The following EML3 variants were observed in gnomAD, a reference collection of about 807,000 sequenced individuals.
EML3 encodes the protein EMAP like 3.
A neutral mutation model predicts 106.7 loss-of-function variants in EML3; 53 were observed. The observed-to-expected ratio is 0.50, with a 90% confidence interval of 0.40 to 0.62. The LOEUF (loss-of-function observed/expected upper bound fraction) is 0.62, where lower values mean the gene tolerates loss of function less well. Among genes scored for constraint, EML3 ranks in the 20% least tolerant of loss-of-function variants. The pLI, the probability that EML3 is intolerant of heterozygous loss-of-function variation, is 0.00. For missense variants in EML3, 994 were observed against 1,209.1 expected (o/e 0.82, Z 2.64); for synonymous variants, 499 against 489.6 (o/e 1.02, Z -0.25).
In EML3 at chr11:62,610,887, G is replaced by A. The variant is rs1211609696; in HGVS notation, c.558C>T (p.Ser186=). ...GGGGAAGCCTCACCCACCTCTCTGT[G>A]CTCCCGGACCGCACTAACAGGTTGG... ...SSANLLVRSG[S]TESRGGKDPL... The change falls in exon 4 of 22, where the codon AGC becomes AGT. Residue 186 remains serine, a synonymous_variant. Coordinates refer to ENST00000394773, the MANE Select transcript of EML3 (RefSeq NM_153265.3). The A allele has an allele frequency of 1.2e-6, 2 of 1,610,042 alleles. No individual in the cohort carries two copies. Among genetic ancestry groups the A allele is most frequent in the Non-Finnish European group, 1.7e-6 (2 of 1,179,198 alleles).
chr11:62,602,453 A>T lies in EML3; in HGVS notation c.*22T>A. ...CGGGGCGGGGCCACGCCGCCGGGCC[A>T]GTCGGTCCCGCCAGGCAGCGATCAA... On this transcript the variant is annotated 3_prime_UTR_variant, in exon 22 of 22. Coordinates refer to ENST00000394773, the MANE Select transcript of EML3 (RefSeq NM_153265.3). 1 of 1,544,172 alleles carries T rather than the reference A, an allele frequency of 6.5e-7. No homozygotes were observed. Among genetic ancestry groups the T allele is most frequent in the Non-Finnish European group, 8.8e-7 (1 of 1,142,416 alleles).
intron 16 of EML3, chr11:62,604,794 G>A (rs1942430524): frequency 4.3e-6 from 1 of 231,804 alleles, no homozygotes; most frequent in African/African-American, 2.3e-5. Context: ...CGACTACAAA[G>A]GCACTGTGCA....
chr11:62,603,268 C>T (rs776409158), intron 19 of EML3, 21 bp from the exon 20 acceptor site: 1 of 1,607,814 alleles, frequency 6.2e-7, no homozygotes, highest in Non-Finnish European at 8.5e-7. Flanking sequence ...GGAGCCCGCC[C>T]AGCTCAGCTC....
In EML3 at chr11:62,611,093, G is replaced by C; in HGVS notation, c.446C>G (p.Ala149Gly). The change falls in exon 3 of 22, where the codon GCT becomes GGT. Residue 149 changes from alanine (A) to glycine (G), a missense_variant. By Grantham distance (60) the Ala-to-Gly change is moderately conservative (BLOSUM62 0). Coordinates refer to ENST00000394773, the MANE Select transcript of EML3 (RefSeq NM_153265.3). ...AGGGCCACAGGACACCTACGTGTCA[G>C]CACGCTGTGGGGGCTGCAAGGGCCT... ...ILRPLQPPQR[A>G]DTPRRNSSSS... 2 of 1,598,064 alleles carry C rather than the reference G, an allele frequency of 1.3e-6. No homozygotes were observed. The highest frequency in any genetic ancestry group is 1.7e-6 in the Non-Finnish European group (2 of 1,177,356).
rs143793143 is a variant in EML3 at position 62,609,395 on chromosome 11, C to T, written c.717G>A (p.Leu239=). The part of the protein sequence containing the change: ...IPSGIRSLEE[L]PSGPPPETLS... ...GGGTCTCTGGCGGTGGGCCACTCGG[C>T]AGCTCCTCAAGGCTGCGGATGCCAG... The change falls in exon 6 of 22, where the codon CTG becomes CTA. Residue 239 remains leucine (L), a synonymous_variant. Transcript: ENST00000394773. 161 of 1,598,568 alleles carry T rather than the reference C, an allele frequency of 1.0e-4. No homozygotes were observed. Among genetic ancestry groups the T allele is most frequent in the Non-Finnish European group, 1.3e-4 (151 of 1,172,094 alleles).
intron 10 of EML3, 62 bp downstream of exon 10, chr11:62,608,139 C>A: frequency 6.8e-7 from 1 of 1,475,304 alleles, no homozygotes; most frequent in Non-Finnish European, 9.5e-7. Flanking sequence ...TCTGGAGCTC[C>A]CTGCACTCCA....
In EML3 at chr11:62,607,832, G is replaced by A. The variant is rs1475372726; in HGVS notation, c.1207-11C>T. 6.2e-7 allele frequency: 1 copy of A among 1,609,798 alleles called. No homozygotes were observed. Among genetic ancestry groups the A allele is most frequent in the Admixed American group, 1.7e-5 (1 of 59,820 alleles). ...TGAGTCATTTGTACTCTGAAGGGAA[G>A]ACACTAGATTCAGCCACCCCAAGCC... On this transcript the variant is annotated splice_polypyrimidine_tract_variant and intron_variant, in intron 10 of 21. Transcript: ENST00000394773.
intron 12 of EML3, 79 bp from the exon 13 acceptor site, chr11:62,606,293 A>G: frequency 6.6e-7 from 1 of 1,509,446 alleles, no homozygotes; most frequent in Non-Finnish European, 9.0e-7. Flanking sequence ...CTGTCGCAAT[A>G]CAGTAAGAAC....
At chr11:62,604,366 CT>C (rs1280759644) in intron 16 of EML3, among the ~76,000 whole-genome samples, 165 bp from the exon 17 acceptor site, 1 of 152,178 alleles carries the variant, frequency 6.6e-6, no homozygotes, top group African/African-American at 2.4e-5. Context: ...CTGCATTCTT[CT>C]TTTTTAGTTT....
At chr11:62,606,312 A>G in intron 12 of EML3, 98 bp from the exon 13 acceptor site, 2 of 1,391,500 alleles carry the variant, frequency 1.4e-6, no homozygotes, top group Non-Finnish European at 2.0e-6. Context: ...ACTCCCAGCC[A>G]TTGCATGCAC....
chr11:62,605,540 G>T lies in EML3; in HGVS notation c.1914+102C>A. 1 of 1,429,700 alleles carries T rather than the reference G, an allele frequency of 7.0e-7. No homozygotes were observed. The allele number at this position is 1,429,700 out of a possible 1,614,324, so 88.6% of individuals were successfully genotyped here. A position where few individuals can be genotyped will look rare whatever the true frequency, so the allele number is the denominator to read the frequency against. ...CAGTGCAGCCATACCAGTACAAACT[G>T]GCCACCTCTGGGAGGCAGAAGGCAA... On this transcript the variant is annotated intron_variant, in intron 15 of 21. Coordinates refer to ENST00000394773, the MANE Select transcript of EML3 (RefSeq NM_153265.3). The surrounding 1 kb of genome is among the most constrained non-coding windows in gnomAD (Gnocchi z 5.2).
intron 11 of EML3, chr11:62,607,302 G>A (rs918085835): frequency 1.7e-5 from 9 of 536,576 alleles, no homozygotes; most frequent in Non-Finnish European, 2.8e-5. Flanking sequence ...CTGGGTGATA[G>A]AGCAAGGCAC....
chr11:62,612,475 C>A lies in EML3; in HGVS notation c.-18G>T. ...CCGTCCATCCGGCCCCCGGGTTGCT[C>A]CGAGCGGCGGCGGCGGAGGAGGCGT... On this transcript the variant is annotated 5_prime_UTR_variant, in exon 1 of 22. Transcript: ENST00000394773. The A allele has an allele frequency of 7.0e-7, 1 of 1,424,006 alleles. No individual in the cohort carries two copies. Among genetic ancestry groups the A allele is most frequent in the Non-Finnish European group, 9.1e-7 (1 of 1,095,728 alleles). The allele number at this position is 1,424,006 out of a possible 1,614,324, so 88.2% of individuals were successfully genotyped here.
chr11:62,609,793 C>T lies in EML3; in HGVS notation c.567-97G>A, dbSNP rs1047722031. On this transcript the variant is annotated intron_variant, in intron 4 of 21. Coordinates refer to ENST00000394773, the MANE Select transcript of EML3 (RefSeq NM_153265.3). ...AGAAAAGAGGTCACTGCAGAAACCA[C>T]AGTCACTTCTGCAAGCCTGTAGTTT... The T allele has an allele frequency of 3.8e-6, 4 of 1,062,606 alleles. No homozygotes were observed. The African/African-American group carries it at 6.5e-5, about 17-fold the overall frequency. The allele number at this position is 1,062,606 out of a possible 1,614,324, so 65.8% of individuals were successfully genotyped here.
chr11:62,602,272 G>A lies in EML3; in HGVS notation c.*203C>T, dbSNP rs1047814875. ...AGCAGGCAGCGGGAGTCAAGGCCTA[G>A]GCTGGGGCTGCCCGGCTCAGCCAGC... is the stretch of plus-strand genomic sequence containing the variant. On this transcript the variant is annotated 3_prime_UTR_variant, in exon 22 of 22. Coordinates refer to ENST00000394773, the MANE Select transcript of EML3 (RefSeq NM_153265.3). 13 of 1,550,306 alleles carry A rather than the reference G, an allele frequency of 8.4e-6. No homozygotes were observed. The highest frequency in any genetic ancestry group is 1.1e-5 in the Non-Finnish European group (13 of 1,146,668).
chr11:62,606,143 C>T lies in EML3; in HGVS notation c.1576G>A (p.Gly526Arg), dbSNP rs745593458. Residue 526 changes from glycine (G) to arginine (R), a missense_variant, in exon 13 of 22, where the codon GGG becomes AGG. Gly to Arg is a moderately radical substitution (Grantham distance 125). Coordinates refer to ENST00000394773, the MANE Select transcript of EML3 (RefSeq NM_153265.3). The part of the protein sequence containing the change: ...SIFALCLRRD[G>R]TVLSGGGRDR... ...CGCCCGCCACCACTCAGCACTGTCCCGTCCCTCCGGAGACACAAGGCGAAG... is the reference window on the plus strand; with the variant it reads ...CGCCCGCCACCACTCAGCACTGTCCTGTCCCTCCGGAGACACAAGGCGAAG... The T allele has an allele frequency of 3.7e-6, 6 of 1,614,044 alleles. No homozygotes were observed. The highest frequency in any genetic ancestry group is 5.1e-6 in the Non-Finnish European group (6 of 1,180,060).
In EML3 at chr11:62,602,783, G is replaced by A; in HGVS notation, c.2463C>T (p.Phe821=). 1.2e-6 allele frequency: 2 copies of A among 1,611,732 alleles called. No homozygotes were observed. The highest frequency in any genetic ancestry group is 2.2e-5 in the East Asian group (1 of 44,832). ...CCTTGGCACGAGCGCACGGGTACTGGAAGAGATGCACTTTGCAGAAGTCGT... is the reference window on the plus strand; with the variant it reads ...CCTTGGCACGAGCGCACGGGTACTGAAAGAGATGCACTTTGCAGAAGTCGT... ...VADDFCKVHL[F]QYPCARAKAP... The change falls in exon 21 of 22, where the codon TTC becomes TTT. Residue 821 remains phenylalanine (F), a synonymous_variant. Transcript: ENST00000394773.
rs1345985346 is a variant in EML3 at position 62,602,361 on chromosome 11, G to T, written c.*114C>A. ...TCCAGGAAAATGCGCGATCGGGAAT[G>T]TCTCGAAGTCAGTCCAGGAAAGAGT... On this transcript the variant is annotated 3_prime_UTR_variant, in exon 22 of 22. Coordinates refer to ENST00000394773, the MANE Select transcript of EML3 (RefSeq NM_153265.3). The T allele has an allele frequency of 6.5e-7, 1 of 1,546,894 alleles. No homozygotes were observed. Among genetic ancestry groups the T allele is most frequent in the Admixed American group, 2.0e-5 (1 of 50,816 alleles).
At chr11:62,612,324 T>C in intron 1 of EML3, 112 bp downstream of exon 1, 1 of 1,115,888 alleles carries the variant, frequency 9.0e-7, no homozygotes, top group Non-Finnish European at 1.3e-6. Flanking sequence ...TCGGAGCCCC[T>C]GGGGCGGAGG....
Sources: gnomAD v4.1 joint callset for allele counts (sites outside exome capture counted in the v4.1 genomes callset) on GRCh38, gnomAD v4.1.1 for gene constraint, Gnocchi (gnomAD v3.1) non-coding constraint, MANE v1.5 for transcripts, NCBI Gene and HGNC (gene_info 2026-07-23, HGNC 2026-07-21) for gene names.